DNAH11: variants seen among roughly 807,000 people sequenced by gnomAD.
The protein encoded by DNAH11 is dynein axonemal heavy chain 11.
Under a neutral mutation model 526.0 loss-of-function variants are expected in DNAH11, and 442 were observed. The ratio of observed to expected loss-of-function variants is 0.84; its 90% confidence interval spans 0.78 to 0.91. The LOEUF is 0.91. DNAH11 is among the 40% of genes least tolerant of loss of function. The probability of loss-of-function intolerance (pLI) is 0.00; values close to 1 mark genes in which losing one functional copy is unlikely to be tolerated. For synonymous variants in DNAH11, 2,461 were observed against 1,935.9 expected, an observed-to-expected ratio of 1.27 and a Z score of -7.12; for missense variants, 6,989 against 5,448.7, an observed-to-expected ratio of 1.28 and a Z score of -8.90.
chr7:21,887,610 G>A (rs1253873521), intron 76 of DNAH11, among the ~76,000 whole-genome samples: 1 of 152,074 alleles, frequency 6.6e-6, no homozygotes, highest in African/African-American at 2.4e-5. Flanking sequence ...TTTGCTGTCA[G>A]GTTTAAACTT....
At position 21,665,517 on chromosome 7, in the gene DNAH11, C is replaced by A. The variant is rs376095152; in HGVS notation, c.5328+6486C>A. ...GTGTATAAGAAGTGTCCACTCCTTC[C>A]CCTGTCAACAACATTGGGCTGGTTC... On this transcript the variant is annotated intron_variant, in intron 30 of 81. Transcript: ENST00000409508. Among the ~76,000 whole-genome samples, 38 of 152,176 alleles carry A rather than the reference C, an allele frequency of 2.5e-4. No individual in the cohort carries two copies. The South Asian group carries it at 7.7e-3, about 31-fold the overall frequency.
rs1218348910 is a variant in DNAH11 at position 21,655,963 on chromosome 7, G to T, written c.5076G>T (p.Glu1692Asp). 2 of 1,604,116 alleles carry T rather than the reference G, an allele frequency of 1.2e-6. No homozygotes were observed. Among genetic ancestry groups the T allele is most frequent in the African/African-American group, 1.3e-5 (1 of 74,636 alleles). The change falls in exon 29 of 82, where the codon GAG becomes GAT. Residue 1692 changes from glutamate (E) to aspartate (D), a missense_variant. Transcript: ENST00000409508. ...KEKEYVPFQA[E>D]CECVGHVETW... Reference sequence around the variant, plus strand: ...AGGAGTATGTCCCATTCCAAGCCGAGTGTGAATGTGTGGGCCATGTAAGAT... The same window carrying T: ...AGGAGTATGTCCCATTCCAAGCCGATTGTGAATGTGTGGGCCATGTAAGAT...
At chr7:21,813,079 C>T (rs2127998831) in intron 63 of DNAH11, among the ~76,000 whole-genome samples, 1 of 152,268 alleles carries the variant, frequency 6.6e-6, no homozygotes, top group Non-Finnish European at 1.5e-5. Context: ...AACAGTAACA[C>T]AGAGGGTAGT....
intron 30 of DNAH11, among the ~76,000 whole-genome samples, chr7:21,680,654 C>G (rs1783100839): frequency 1.3e-5 from 2 of 152,164 alleles, no homozygotes; most frequent in Non-Finnish European, 2.9e-5. Context: ...TCATGGCATT[C>G]CATTTTATTC....
chr7:21,582,053 T>G lies in DNAH11; in HGVS notation c.1710+32T>G, dbSNP rs1290605374. ...TCTGAAGAAGCTATCATAAAAAACG[T>G]TTACTATGAATAATATAGGCTGTTA... is the stretch of plus-strand genomic sequence containing the variant. On this transcript the variant is annotated intron_variant, in intron 9 of 81. Coordinates refer to ENST00000409508, the MANE Select transcript of DNAH11 (RefSeq NM_001277115.2). 2.1e-6 allele frequency: 3 copies of G among 1,414,162 alleles called. No homozygotes were observed. In the African/African-American group the frequency reaches 4.2e-5, roughly 20 times the overall value. The allele number at this position is 1,414,162 out of a possible 1,614,324, so 87.6% of individuals were successfully genotyped here.
intron 57 of DNAH11, among the ~76,000 whole-genome samples, chr7:21,783,640 T>C (rs1473430070): frequency 6.6e-6 from 1 of 151,630 alleles, no homozygotes; most frequent in Admixed American, 6.6e-5. Flanking sequence ...ATAAGCCACT[T>C]CCCACCCCCG....
chr7:21,743,810 A>G (rs1406718395), intron 49 of DNAH11, among the ~76,000 whole-genome samples: 3 of 152,180 alleles, frequency 2.0e-5, no homozygotes, highest in Non-Finnish European at 4.4e-5. Context: ...GCTGCACCTG[A>G]CACTACCAAA....
chr7:21,684,146 A>G (rs1276447572), intron 32 of DNAH11, among the ~76,000 whole-genome samples: 2 of 152,238 alleles, frequency 1.3e-5, no homozygotes, highest in African/African-American at 4.8e-5. Flanking sequence ...ATATGGCTCA[A>G]GGAAGCATTG....
chr7:21,675,507 T>G (rs1408589801), intron 30 of DNAH11, among the ~76,000 whole-genome samples: 1 of 152,254 alleles, frequency 6.6e-6, no homozygotes, highest in Non-Finnish European at 1.5e-5. Context: ...GTCAGCATAC[T>G]TTCTACTTGC....
At chr7:21,788,186 C>G (rs1788276922) in intron 60 of DNAH11, among the ~76,000 whole-genome samples, 2 of 152,154 alleles carry the variant, frequency 1.3e-5, no homozygotes. Flanking sequence ...AATAAGGGAA[C>G]AATGCATGGC....
In DNAH11 at chr7:21,558,899, A is replaced by C. The variant is rs1196115987; in HGVS notation, c.593A>C (p.Lys198Thr). The change falls in exon 3 of 82, where the codon AAG becomes ACG. Residue 198 changes from lysine (K) to threonine (T), a missense_variant. Transcript: ENST00000409508. ...TATCACATAGAAGTCATGAAAAAGA[A>C]GATGTATATTTTTAGGGGCAAAATG... ...MEYHIEVMKK[K>T]MYIFRGKMSR... The C allele has an allele frequency of 6.2e-7, 1 of 1,605,162 alleles. No individual in the cohort carries two copies. Among genetic ancestry groups the C allele is most frequent in the African/African-American group, 1.3e-5 (1 of 74,838 alleles).
chr7:21,750,385 T>C (rs1786362668), intron 54 of DNAH11, 21 bp downstream of exon 54: 3 of 1,584,466 alleles, frequency 1.9e-6, no homozygotes, highest in African/African-American at 2.7e-5. Context: ...CTTGCTTAAT[T>C]TGCATGTTAG....
At chr7:21,559,872 A>G in intron 4 of DNAH11, 80 bp downstream of exon 4, 1 of 1,201,042 alleles carries the variant, frequency 8.3e-7, no homozygotes. Context: ...TTAAAGATTT[A>G]ACACACTGTC....
chr7:21,829,667 A>C (rs1373836806), intron 65 of DNAH11, among the ~76,000 whole-genome samples: 1 of 152,248 alleles, frequency 6.6e-6, no homozygotes, highest in African/African-American at 2.4e-5. Flanking sequence ...ATCAATACTG[A>C]TGACATTTCC....
intron 58 of DNAH11, among the ~76,000 whole-genome samples, chr7:21,785,780 T>G (rs1412100949): frequency 6.6e-6 from 1 of 152,220 alleles, no homozygotes. Flanking sequence ...TTGTTCTTGC[T>G]TTCACTCTGT....
At chr7:21,660,005 A>G (rs1782177235) in intron 30 of DNAH11, among the ~76,000 whole-genome samples, 1 of 152,070 alleles carries the variant, frequency 6.6e-6, no homozygotes, top group Admixed American at 6.6e-5. Context: ...TTGATTTTAC[A>G]CTCTTAGGGG....
chr7:21,698,828 A>G (rs1241866733), intron 36 of DNAH11, among the ~76,000 whole-genome samples: 1 of 152,210 alleles, frequency 6.6e-6, no homozygotes, highest in Non-Finnish European at 1.5e-5. Flanking sequence ...CTGGGCAGAT[A>G]CCCAGTAGTG....
At chr7:21,798,691 C>T (rs960775962) in intron 61 of DNAH11, among the ~76,000 whole-genome samples, 2 of 152,222 alleles carry the variant, frequency 1.3e-5, no homozygotes, top group Non-Finnish European at 2.9e-5. Context: ...TATTCACCTT[C>T]ATTCTCCAGC....
At chr7:21,720,693 G>A (rs1784840956) in intron 43 of DNAH11, 32 bp from the exon 44 acceptor site, 1 of 1,527,246 alleles carries the variant, frequency 6.5e-7, no homozygotes, top group African/African-American at 1.4e-5. Flanking sequence ...TTAAAAAAAT[G>A]TTGCCTTATT....
Sources: allele counts gnomAD v4.1 joint callset (sites outside exome capture counted in the v4.1 genomes callset), GRCh38; gene constraint gnomAD v4.1.1; transcripts MANE v1.5; gene names NCBI Gene and HGNC (gene_info 2026-07-23, HGNC 2026-07-21).